The following CNTNAP2 variants were observed in gnomAD, a reference collection of about 807,000 sequenced individuals.
CNTNAP2 encodes contactin-associated protein-like 2.
Under a neutral mutation model 155.2 loss-of-function variants are expected in CNTNAP2, and 98 were observed. The observed-to-expected ratio is 0.63, with a 90% CI of 0.54 to 0.75. CNTNAP2 has a LOEUF of 0.75. Ranked by LOEUF, CNTNAP2 falls within the 30% of genes least tolerant of loss-of-function variation. The probability of loss-of-function intolerance (pLI) is 0.00; values close to 1 mark genes in which losing one functional copy is unlikely to be tolerated. For missense variants in CNTNAP2, 1,727 were observed against 1,688.1 expected (o/e 1.02, Z -0.40); for synonymous variants, 651 against 631.2 (o/e 1.03, Z -0.47).
At chr7:147,900,215 G>T (rs6972812) in intron 13 of CNTNAP2, among the ~76,000 whole-genome samples, 1 of 151,868 alleles carries the variant, frequency 6.6e-6, no homozygotes, top group East Asian at 1.9e-4. Flanking sequence ...TCTCTGGTAC[G>T]GTTTGGCTGT....
At chr7:147,106,980 C>T (rs1800778220) in intron 4 of CNTNAP2, among the ~76,000 whole-genome samples, 1 of 152,136 alleles carries the variant, frequency 6.6e-6, no homozygotes, top group Non-Finnish European at 1.5e-5. Context: ...CCAATGTCTC[C>T]CTCTGGAGTT....
intron 3 of CNTNAP2, among the ~76,000 whole-genome samples, chr7:146,918,960 G>A (rs925774865): frequency 6.6e-6 from 1 of 152,094 alleles, no homozygotes; most frequent in African/African-American, 2.4e-5. Flanking sequence ...TCTTCTACTT[G>A]TTTGATTCCA....
At chr7:147,347,978 T>C (rs960208826) in intron 9 of CNTNAP2, among the ~76,000 whole-genome samples, 1 of 151,972 alleles carries the variant, frequency 6.6e-6, no homozygotes, top group African/African-American at 2.4e-5. Flanking sequence ...TGGATATCCA[T>C]ATGCAAAAGA....
intron 1 of CNTNAP2, among the ~76,000 whole-genome samples, chr7:146,427,263 C>A (rs1796107152): frequency 6.6e-6 from 1 of 152,106 alleles, no homozygotes; most frequent in South Asian, 2.1e-4. Context: ...TGATTTAATT[C>A]TCTGCCATCT....
chr7:146,800,638 C>T (rs1052027013), intron 2 of CNTNAP2, among the ~76,000 whole-genome samples: 1 of 152,178 alleles, frequency 6.6e-6, no homozygotes, highest in Non-Finnish European at 1.5e-5. Flanking sequence ...TTGAGCGCCA[C>T]AAATAAGAAC....
At chr7:146,573,328 A>C (rs982324611) in intron 1 of CNTNAP2, among the ~76,000 whole-genome samples, 3 of 152,082 alleles carry the variant, frequency 2.0e-5, no homozygotes, top group Admixed American at 1.3e-4. Flanking sequence ...TTTTTAGTAG[A>C]GACAGGGTTT....
intron 19 of CNTNAP2, among the ~76,000 whole-genome samples, chr7:148,229,439 C>T (rs190458193): frequency 2.0e-5 from 3 of 152,132 alleles, no homozygotes; most frequent in Non-Finnish European, 2.9e-5. Flanking sequence ...GCAGGAGAAT[C>T]GCTTGAACCT....
chr7:146,724,316 G>A lies in CNTNAP2; in HGVS notation c.98-49955G>A, dbSNP rs115822482. ...AATAGTTAGGGCCCTGTAACTGTTC[G>A]TTTTTATTTTTTTTTCCCAAATCAG... On this transcript the variant is annotated intron_variant, in intron 1 of 23. Coordinates refer to ENST00000361727, the MANE Select transcript of CNTNAP2 (RefSeq NM_014141.6). Among the ~76,000 whole-genome samples the A allele has an allele frequency of 6.3e-3, 950 of 151,992 alleles. 8 individuals carry two copies. Among genetic ancestry groups the A allele is most frequent in the African/African-American group, 0.021 (888 of 41,434 alleles).
chr7:148,099,854 C>CTT lies in CNTNAP2; in HGVS notation c.2384-18253_2384-18252dup, dbSNP rs758183945. Among the ~76,000 whole-genome samples the CTT allele has an allele frequency of 1.5e-3, 187 of 126,510 alleles. 1 individual carries two copies. Among genetic ancestry groups the CTT allele is most frequent in the African/African-American group, 2.5e-3 (81 of 32,034 alleles). 83.0% of individuals were successfully genotyped at this position (126,510 alleles called of 152,430 possible). Reference sequence around the variant, plus strand: ...CTGAGCTCCTCCTTGCTCCTCCCTCCTTTTTTTTTTTTGGTTTTTTTTTTT... The same window carrying CTT: ...CTGAGCTCCTCCTTGCTCCTCCCTCCTTTTTTTTTTTTTTGGTTTTTTTTTTT... On this transcript the variant is annotated intron_variant, in intron 15 of 23. Coordinates refer to ENST00000361727, the MANE Select transcript of CNTNAP2 (RefSeq NM_014141.6).
intron 21 of CNTNAP2, among the ~76,000 whole-genome samples, chr7:148,342,849 C>T (rs1270545040): frequency 6.6e-6 from 1 of 152,232 alleles, no homozygotes; most frequent in Non-Finnish European, 1.5e-5. Flanking sequence ...AATCCTACAC[C>T]TCTCCAAAGT....
At chr7:147,290,202 A>G (rs1198369502) in intron 8 of CNTNAP2, among the ~76,000 whole-genome samples, 1 of 152,194 alleles carries the variant, frequency 6.6e-6, no homozygotes, top group Non-Finnish European at 1.5e-5. Context: ...TTTAATATTT[A>G]TCATTGATTA....
chr7:148,107,590 C>A (rs1355527988), intron 15 of CNTNAP2, among the ~76,000 whole-genome samples: 7 of 152,186 alleles, frequency 4.6e-5, no homozygotes, highest in African/African-American at 1.4e-4. Flanking sequence ...TCTTACCTAA[C>A]CTGAATGTAC....
chr7:146,573,600 C>T (rs1798475943), intron 1 of CNTNAP2, among the ~76,000 whole-genome samples: 1 of 152,166 alleles, frequency 6.6e-6, no homozygotes, highest in Non-Finnish European at 1.5e-5. Flanking sequence ...TTTAAATGTG[C>T]TGTCCTACAT....
chr7:146,825,398 T>A (rs1463838243), intron 2 of CNTNAP2, among the ~76,000 whole-genome samples: 1 of 152,076 alleles, frequency 6.6e-6, no homozygotes, highest in Non-Finnish European at 1.5e-5. Flanking sequence ...GAATAAGTAA[T>A]GTGTGTAGCA....
intron 4 of CNTNAP2, among the ~76,000 whole-genome samples, chr7:147,059,314 T>C (rs1196627719): frequency 6.6e-6 from 1 of 152,202 alleles, no homozygotes; most frequent in South Asian, 2.1e-4. Context: ...TAAATTGGAC[T>C]GACCACCTCA....
chr7:146,271,535 A>G (rs1174115034), intron 1 of CNTNAP2, among the ~76,000 whole-genome samples: 1 of 151,886 alleles, frequency 6.6e-6, no homozygotes, highest in Non-Finnish European at 1.5e-5. Context: ...AGTAAATAAT[A>G]TACGGTTTAT....
intron 13 of CNTNAP2, among the ~76,000 whole-genome samples, chr7:147,768,633 G>C (rs888993409): frequency 1.3e-5 from 2 of 151,994 alleles, no homozygotes; most frequent in African/African-American, 4.8e-5. Flanking sequence ...CTTGTAATAG[G>C]ACAAAATAAG....
chr7:146,525,574 A>ATCTG lies in CNTNAP2; in HGVS notation c.98-248694_98-248693insGTCT, dbSNP rs1199614082. ...TATCTATCTATCTATCTATCTATCT[A>ATCTG]TCTCTCTATCTATCATCTATCTATC... On this transcript the variant is annotated intron_variant, in intron 1 of 23. Transcript: ENST00000361727. 2.3e-5 allele frequency among the ~76,000 whole-genome samples: 3 copies of ATCTG among 132,636 alleles called. No individual in the cohort carries two copies. The South Asian group carries it at 6.5e-4, about 29-fold the overall frequency. 87.0% of individuals were successfully genotyped at this position (132,636 alleles called of 152,430 possible).
chr7:147,173,125 A>G (rs1802265609), intron 8 of CNTNAP2, among the ~76,000 whole-genome samples: 1 of 152,164 alleles, frequency 6.6e-6, no homozygotes, highest in South Asian at 2.1e-4. Flanking sequence ...TGAAGAAATA[A>G]ATGTGTCTTG....
Sources: gnomAD v4.1 joint callset for allele counts (sites outside exome capture counted in the v4.1 genomes callset) on GRCh38, gnomAD v4.1.1 for gene constraint, MANE v1.5 for transcripts, NCBI Gene and HGNC (gene_info 2026-07-23, HGNC 2026-07-21) for gene names.